Variants in STARD3NL observed in about 807,000 individuals in gnomAD.
The protein encoded by STARD3NL is STARD3 N-terminal like.
In STARD3NL, 17 loss-of-function variants were observed where a neutral mutation model predicts 30.9. The ratio of observed to expected loss-of-function variants is 0.55; its 90% CI spans 0.38 to 0.82. The LOEUF (loss-of-function observed/expected upper bound fraction) is 0.82, where lower values mean the gene tolerates loss of function less well. STARD3NL is among the 40% of genes least tolerant of loss of function. The pLI, the probability that STARD3NL is intolerant of heterozygous loss-of-function variation, is 0.00. For missense variants in STARD3NL, 234 were observed against 277.6 expected, an observed-to-expected ratio of 0.84 and a Z score of 1.12; for synonymous variants, 112 against 100.5, an observed-to-expected ratio of 1.11 and a Z score of -0.69.
chr7:38,184,464 A>G (rs1216002609), intron 1 of STARD3NL, among the ~76,000 whole-genome samples: 1 of 151,822 alleles, frequency 6.6e-6, no homozygotes, highest in African/African-American at 2.4e-5. Context: ...ATGGCAGAAA[A>G]AAAAGCTGGA....
At chr7:38,216,971 C>G in intron 4 of STARD3NL, 54 bp from the exon 5 acceptor site, 1 of 1,589,988 alleles carries the variant, frequency 6.3e-7, no homozygotes, top group Admixed American at 1.7e-5. Flanking sequence ...GAGGGAGGTA[C>G]CTTCACAGTG....
At chr7:38,190,724 T>C (rs999866621) in intron 1 of STARD3NL, among the ~76,000 whole-genome samples, 1 of 152,226 alleles carries the variant, frequency 6.6e-6, no homozygotes, top group Non-Finnish European at 1.5e-5. Flanking sequence ...GCATTGCATG[T>C]GATGCTCGTG....
chr7:38,218,528 T>G (rs1224747065), intron 6 of STARD3NL, among the ~76,000 whole-genome samples: 1 of 152,258 alleles, frequency 6.6e-6, no homozygotes, highest in Non-Finnish European at 1.5e-5. Context: ...ACATATGAAC[T>G]ATTACTATGA....
At chr7:38,207,228 C>G (rs1431148720) in intron 1 of STARD3NL, among the ~76,000 whole-genome samples, 1 of 152,200 alleles carries the variant, frequency 6.6e-6, no homozygotes, top group Non-Finnish European at 1.5e-5. Flanking sequence ...TGCTTCTTCT[C>G]TCTTGCCATT....
chr7:38,214,549 A>C, intron 3 of STARD3NL, 115 bp downstream of exon 3: 2 of 571,682 alleles, frequency 3.5e-6, no homozygotes, highest in East Asian at 6.3e-5. Context: ...CACTGACCAT[A>C]TTTTCCTTTT....
At position 38,215,096 on chromosome 7, in the gene STARD3NL, G is replaced by C. The variant is rs1786027950; in HGVS notation, c.372G>C (p.Trp124Cys). Residue 124 changes from tryptophan to cysteine, a missense_variant, in exon 4 of 9, where the codon TGG (tryptophan) becomes TGC (cysteine). Transcript: ENST00000009041. Reference sequence around the variant, plus strand: ...CTGTGTGCAGACTGCGCCATTGGTGGGCAATAGCGGTGAGTATGCCCTGCA... The same window carrying C: ...CTGTGTGCAGACTGCGCCATTGGTGCGCAATAGCGGTGAGTATGCCCTGCA... ...AYAVCRLRHW[W>C]AIALTTAVTS... The C allele has an allele frequency of 2.5e-6, 4 of 1,613,898 alleles. No individual in the cohort carries two copies. Among genetic ancestry groups the C allele is most frequent in the Non-Finnish European group, 3.4e-6 (4 of 1,179,918 alleles).
chr7:38,215,353 A>G, intron 4 of STARD3NL: 1 of 499,206 alleles, frequency 2.0e-6, no homozygotes, highest in South Asian at 3.2e-5. Flanking sequence ...AACAGTGATT[A>G]TTGGCCAAGC....
chr7:38,218,757 C>T (rs1786271877), intron 6 of STARD3NL, among the ~76,000 whole-genome samples: 1 of 152,200 alleles, frequency 6.6e-6, no homozygotes, highest in Non-Finnish European at 1.5e-5. Context: ...GGTGGCCTTG[C>T]GTGTGTTAGT....
At chr7:38,211,406 C>T (rs1184270963) in intron 2 of STARD3NL, among the ~76,000 whole-genome samples, 1 of 151,960 alleles carries the variant, frequency 6.6e-6, no homozygotes, top group East Asian at 1.9e-4. Context: ...TTGGAGATCA[C>T]GGCGCATGGA....
At chr7:38,182,228 T>C (rs975755407) in intron 1 of STARD3NL, among the ~76,000 whole-genome samples, 1 of 152,212 alleles carries the variant, frequency 6.6e-6, no homozygotes, top group African/African-American at 2.4e-5. Context: ...AGACACACTG[T>C]TAGGCTTTTC....
chr7:38,225,618 G>A (rs1402517960), intron 7 of STARD3NL, among the ~76,000 whole-genome samples: 6 of 144,364 alleles, frequency 4.2e-5, no homozygotes, highest in East Asian at 2.1e-4. Context: ...GATTTGACAC[G>A]TTTGCTAAAA....
intron 1 of STARD3NL, among the ~76,000 whole-genome samples, chr7:38,197,136 T>TTTCTTTCTTTCTTTCTTCC (rs1784937316): frequency 8.9e-6 from 1 of 112,276 alleles, no homozygotes; most frequent in African/African-American, 3.4e-5. Context: ...GCATTACCTT[T>TTTCTTTCTTTCTTTCTTCC]TTTCTTTCTT....
At chr7:38,197,472 G>A (rs1784978201) in intron 1 of STARD3NL, among the ~76,000 whole-genome samples, 1 of 152,030 alleles carries the variant, frequency 6.6e-6, no homozygotes, top group Non-Finnish European at 1.5e-5. Context: ...CAAAGTGCCA[G>A]GATTATATTT....
intron 1 of STARD3NL, among the ~76,000 whole-genome samples, chr7:38,197,779 C>T (rs1471474485): frequency 6.6e-6 from 1 of 152,186 alleles, no homozygotes; most frequent in East Asian, 1.9e-4. Context: ...CTTCTCTAAG[C>T]ATGCTTATTT....
At chr7:38,186,917 A>G (rs1784482825) in intron 1 of STARD3NL, among the ~76,000 whole-genome samples, 1 of 152,218 alleles carries the variant, frequency 6.6e-6, no homozygotes, top group Non-Finnish European at 1.5e-5. Context: ...TTTGAATGCC[A>G]GGAGAAACCA....
chr7:38,198,850 T>C (rs1314052821), intron 1 of STARD3NL, among the ~76,000 whole-genome samples: 1 of 152,238 alleles, frequency 6.6e-6, no homozygotes, highest in Non-Finnish European at 1.5e-5. Flanking sequence ...AGCTGATGTT[T>C]TGACCCGGCT....
chr7:38,217,588 A>G (rs994581527), intron 6 of STARD3NL, among the ~76,000 whole-genome samples: 1 of 152,254 alleles, frequency 6.6e-6, no homozygotes, highest in Non-Finnish European at 1.5e-5. Context: ...AAAAATAGCC[A>G]GCACTTTTTT....
intron 1 of STARD3NL, chr7:38,179,081 A>C (rs10464362): frequency 6.6e-6 from 1 of 152,034 alleles, no homozygotes; most frequent in Non-Finnish European, 1.5e-5. Context: ...TTTGTCTTCT[A>C]TTTCACAGAT....
At chr7:38,185,282 T>G (rs186308231) in intron 1 of STARD3NL, among the ~76,000 whole-genome samples, 1 of 152,358 alleles carries the variant, frequency 6.6e-6, no homozygotes, top group Admixed American at 6.5e-5. Flanking sequence ...TGAGACTGAC[T>G]TTCCCTGTCT....
Sources: gnomAD v4.1 joint callset for allele counts (sites outside exome capture counted in the v4.1 genomes callset) on GRCh38, gnomAD v4.1.1 for gene constraint, MANE v1.5 for transcripts, NCBI Gene and HGNC (gene_info 2026-07-23, HGNC 2026-07-21) for gene names.